Variants in SRL observed in about 807,000 individuals in gnomAD.
The protein encoded by SRL is sarcalumenin.
A neutral mutation model predicts 39.5 loss-of-function variants in SRL; 23 were observed. The ratio of observed to expected loss-of-function variants is 0.58; its 90% CI spans 0.42 to 0.82. The LOEUF (loss-of-function observed/expected upper bound fraction) is 0.82, where lower values mean the gene tolerates loss of function less well. SRL is among the 40% of genes least tolerant of loss of function. The pLI is 0.00. For missense variants in SRL, 592 were observed against 607.8 expected, an observed-to-expected ratio of 0.97 and a Z score of 0.27; for synonymous variants, 272 against 237.4, an observed-to-expected ratio of 1.15 and a Z score of -1.34.
intron 1 of SRL, among the ~76,000 whole-genome samples, chr16:4,229,604 GAAC>G (rs1426518391): frequency 6.6e-6 from 1 of 151,894 alleles, no homozygotes; most frequent in East Asian, 1.9e-4. Context: ...ATAAAGAGGG[GAAC>G]AATAGACACT....
In SRL at chr16:4,222,831, C is replaced by T. The variant is rs550952724; in HGVS notation, c.62-18197G>A. Among the ~76,000 whole-genome samples the T allele has an allele frequency of 2.3e-4, 35 of 152,212 alleles. No homozygotes were observed. The South Asian group carries it at 5.0e-3, about 22-fold the overall frequency. ...ATTCCTGGCGAGATGCGGTGGCTCA[C>T]GCCTAGAATCCCAGCACTTTGGGAA... On this transcript the variant is annotated intron_variant, in intron 1 of 5. Transcript: ENST00000399609.
At chr16:4,205,475 A>G (rs1031962959) in intron 1 of SRL, among the ~76,000 whole-genome samples, 3 of 152,184 alleles carry the variant, frequency 2.0e-5, no homozygotes, top group Non-Finnish European at 4.4e-5. Flanking sequence ...TGGCCACAGA[A>G]GGAAACATTC....
intron 1 of SRL, among the ~76,000 whole-genome samples, chr16:4,223,684 G>A (rs973683211): frequency 6.6e-6 from 1 of 151,816 alleles, no homozygotes; most frequent in African/African-American, 2.4e-5. Context: ...CACCACATCC[G>A]GCAAGGAATC....
chr16:4,195,364 T>A (rs11076821), intron 5 of SRL, among the ~76,000 whole-genome samples, 189 bp downstream of exon 5: 77,070 of 151,536 alleles, frequency 0.51, 19,792 homozygotes, highest in South Asian at 0.62. Context: ...GCCTGGCTAT[T>A]GTTTAAATTT....
chr16:4,211,451 G>GTGA (rs369522486), intron 1 of SRL, among the ~76,000 whole-genome samples: 223 of 124,682 alleles, frequency 1.8e-3, no homozygotes, highest in African/African-American at 4.5e-3. Context: ...GATGAGGATC[G>GTGA]TGATGATGAT....
intron 1 of SRL, among the ~76,000 whole-genome samples, chr16:4,223,351 G>C (rs1377133131): frequency 6.6e-6 from 1 of 150,912 alleles, no homozygotes; most frequent in Non-Finnish European, 1.5e-5. Context: ...CCAGAACAAA[G>C]GAGTGGGCAG....
chr16:4,235,642 A>AG (rs1466763110), intron 1 of SRL, among the ~76,000 whole-genome samples: 1 of 152,216 alleles, frequency 6.6e-6, no homozygotes, highest in Non-Finnish European at 1.5e-5. Context: ...TTGAGGCTGC[A>AG]GTGAGCTATG....
chr16:4,235,612 G>A (rs1374459762), intron 1 of SRL, among the ~76,000 whole-genome samples: 1 of 152,090 alleles, frequency 6.6e-6, no homozygotes. Context: ...GAAATGGGAA[G>A]ATCACTTGAA....
At position 4,189,938 on chromosome 16, in the gene SRL, G is replaced by C; in HGVS notation, c.*2215C>G. The C allele has an allele frequency of 4.7e-6, 1 of 210,636 alleles. No individual in the cohort carries two copies. Among genetic ancestry groups the C allele is most frequent in the Non-Finnish European group, 9.4e-6 (1 of 106,886 alleles). The allele number at this position is 210,636 out of a possible 1,614,324, so 13.0% of individuals were successfully genotyped here. ...GGCCCATCCCCCAAGAGGGCAGACA[G>C]TACAGAGATGAGGCGAGGGGTTCTG... is the stretch of plus-strand genomic sequence containing the variant. On this transcript the variant is annotated 3_prime_UTR_variant, in exon 6 of 6. Transcript: ENST00000399609.
chr16:4,226,581 G>A (rs929630959), intron 1 of SRL, among the ~76,000 whole-genome samples: 12 of 151,108 alleles, frequency 7.9e-5, no homozygotes, highest in Non-Finnish European at 1.5e-4. Flanking sequence ...GCAGATGAAT[G>A]GGTGAATGGA....
chr16:4,197,765 C>T, intron 4 of SRL, 34 bp downstream of exon 4: 1 of 1,440,342 alleles, frequency 6.9e-7, no homozygotes, highest in Non-Finnish European at 9.8e-7. Flanking sequence ...ATACAACATT[C>T]AAATCCCAAC....
Position 4,216,819 on chromosome 16 carries a change from C to G in SRL, c.62-12185G>C, listed in dbSNP as rs1053225985. Among the ~76,000 whole-genome samples, 23 of 152,252 alleles carry G rather than the reference C, an allele frequency of 1.5e-4. 1 individual carries two copies. The South Asian group carries it at 4.4e-3, about 29-fold the overall frequency. On this transcript the variant is annotated intron_variant, in intron 1 of 5. Coordinates refer to ENST00000399609, the MANE Select transcript of SRL (RefSeq NM_001098814.2). ...GATGCAGGCTGGGTTCTGAGACAGA[C>G]CAAGGCAGGTGGCTGGCTTCCCCCC... is the stretch of plus-strand genomic sequence containing the variant.
intron 1 of SRL, chr16:4,208,085 C>T (rs750397002): frequency 4.0e-5 from 18 of 453,952 alleles, no homozygotes; most frequent in Middle Eastern, 3.2e-4. Context: ...CTGTGCCACC[C>T]GACGCGGAGA....
rs974172617 is a variant in SRL at position 4,207,942 on chromosome 16, T to C, written c.62-3308A>G. The C allele has an allele frequency of 2.2e-5, 10 of 456,666 alleles. No homozygotes were observed. The East Asian group carries it at 6.9e-4, about 32-fold the overall frequency. 28.3% of individuals were successfully genotyped at this position (456,666 alleles called of 1,614,324 possible). A position where few individuals can be genotyped will look rare whatever the true frequency, so the allele number is the denominator to read the frequency against. ...GGGGGTCTTCTTGGGGCTCTCGGCC[T>C]CCCTGCCATCTGGGTAGTGAAGGAG... On this transcript the variant is annotated intron_variant, in intron 1 of 5. Coordinates refer to ENST00000399609, the MANE Select transcript of SRL (RefSeq NM_001098814.2).
rs79567501 is a variant in SRL, at chr16:4,212,400, G to A, written c.62-7766C>T. 3.0e-3 allele frequency among the ~76,000 whole-genome samples: 453 copies of A among 152,244 alleles called. 2 individuals carry two copies. Among genetic ancestry groups the A allele is most frequent in the African/African-American group, 0.01 (425 of 41,538 alleles). The stretch of plus-strand genomic sequence containing the variant: ...CTCTTGGAGGCGCAGACAGAGGTGT[G>A]GGAGCCTCCGATTACACTCACTTCC... On this transcript the variant is annotated intron_variant, in intron 1 of 5. Coordinates refer to ENST00000399609, the MANE Select transcript of SRL (RefSeq NM_001098814.2).
intron 1 of SRL, among the ~76,000 whole-genome samples, chr16:4,212,781 AG>A (rs1364668518): frequency 6.6e-6 from 1 of 151,292 alleles, no homozygotes; most frequent in African/African-American, 2.4e-5. Context: ...TTCTCCCACC[AG>A]CCCCTCTGCC....
intron 3 of SRL, among the ~76,000 whole-genome samples, chr16:4,201,215 A>G (rs1033947072): frequency 2.6e-5 from 4 of 151,154 alleles, no homozygotes; most frequent in Non-Finnish European, 4.4e-5. Flanking sequence ...CCAGGCTCAA[A>G]TGATCCTCCT....
At chr16:4,202,113 G>C (rs1597271504) in intron 3 of SRL, among the ~76,000 whole-genome samples, 2 of 152,200 alleles carry the variant, frequency 1.3e-5, no homozygotes, top group African/African-American at 2.4e-5. Context: ...GCATGGCGTG[G>C]TCACGCAGGG....
intron 3 of SRL, among the ~76,000 whole-genome samples, chr16:4,201,163 G>A (rs532603240): frequency 3.3e-5 from 5 of 150,302 alleles, no homozygotes; most frequent in African/African-American, 1.2e-4. Context: ...GCCCAGGCTG[G>A]AGTGCAGTGG....
Sources: allele counts gnomAD v4.1 joint callset (sites outside exome capture counted in the v4.1 genomes callset), GRCh38; gene constraint gnomAD v4.1.1; transcripts MANE v1.5; gene names NCBI Gene and HGNC (gene_info 2026-07-23, HGNC 2026-07-21).